The following HECW1 variants were observed in gnomAD, a reference collection of about 807,000 sequenced individuals.
The protein encoded by HECW1 is E3 ubiquitin-protein ligase HECW1.
A neutral mutation model predicts 182.3 loss-of-function variants in HECW1; 61 were observed. The observed-to-expected ratio is 0.33, with a 90% CI of 0.27 to 0.41. The LOEUF is 0.41. Ranked by LOEUF, HECW1 falls within the 10% of genes least tolerant of loss-of-function variation. The pLI is 1.00. For synonymous variants in HECW1, 859 were observed against 832.6 expected (o/e 1.03, Z -0.55); for missense variants, 1,739 against 2,108.9 (o/e 0.82, Z 3.44).
chr7:43,137,617 A>C (rs1190964287), intron 2 of HECW1, among the ~76,000 whole-genome samples: 2 of 151,740 alleles, frequency 1.3e-5, no homozygotes, highest in Non-Finnish European at 2.9e-5. Flanking sequence ...TGGTACAATC[A>C]CGGCTCACTG....
intron 6 of HECW1, among the ~76,000 whole-genome samples, chr7:43,372,275 G>C (rs1409255716): frequency 6.6e-6 from 1 of 152,122 alleles, no homozygotes; most frequent in Non-Finnish European, 1.5e-5. Context: ...GATTATGTGG[G>C]GGTGGGGTGT....
intron 2 of HECW1, among the ~76,000 whole-genome samples, chr7:43,140,067 G>A (rs766980375): frequency 9.9e-5 from 15 of 152,092 alleles, no homozygotes; most frequent in Non-Finnish European, 1.5e-4. Flanking sequence ...AAGTTGTTTT[G>A]TCATCTTTTT....
intron 3 of HECW1, among the ~76,000 whole-genome samples, chr7:43,257,983 ATT>A (rs1230120200): frequency 3.3e-5 from 5 of 152,186 alleles, no homozygotes; most frequent in African/African-American, 1.2e-4. Flanking sequence ...TGAATCTGAT[ATT>A]GTCTTCTCTA....
chr7:43,501,422 C>T (rs575720352), intron 21 of HECW1, 100 bp downstream of exon 21: 117 of 646,800 alleles, frequency 1.8e-4, no homozygotes, highest in Non-Finnish European at 2.6e-4. Context: ...TTCTTTCTCT[C>T]GGCCTTCCCA....
chr7:43,218,414 G>A (rs760125425), intron 2 of HECW1, among the ~76,000 whole-genome samples: 24 of 152,196 alleles, frequency 1.6e-4, no homozygotes, highest in Non-Finnish European at 2.8e-4. Context: ...CACAGCAGTG[G>A]TTTAGGATAT....
intron 2 of HECW1, among the ~76,000 whole-genome samples, chr7:43,158,521 A>G (rs1261130696): frequency 6.6e-6 from 1 of 152,232 alleles, no homozygotes; most frequent in Non-Finnish European, 1.5e-5. Context: ...CAAAATATGT[A>G]TGATATATAT....
At chr7:43,516,017 C>T (rs1179821249) in intron 24 of HECW1, among the ~76,000 whole-genome samples, 2 of 152,138 alleles carry the variant, frequency 1.3e-5, no homozygotes, top group Non-Finnish European at 2.9e-5. Context: ...TCAAACATTC[C>T]CTTCTCTAAG....
intron 2 of HECW1, among the ~76,000 whole-genome samples, chr7:43,163,863 C>T (rs1385157501): frequency 1.3e-5 from 2 of 152,090 alleles, no homozygotes; most frequent in African/African-American, 2.4e-5. Context: ...GCAGGTGACT[C>T]GAACAGTTGA....
intron 8 of HECW1, among the ~76,000 whole-genome samples, chr7:43,416,754 T>G (rs1035281216): frequency 2.8e-5 from 4 of 145,402 alleles, no homozygotes; most frequent in Admixed American, 2.7e-4. Context: ...TAAGCCGGTC[T>G]GAAAAGCGTA....
chr7:43,521,441 C>T (rs1453685850), intron 24 of HECW1, among the ~76,000 whole-genome samples: 4 of 152,160 alleles, frequency 2.6e-5, no homozygotes, highest in African/African-American at 9.7e-5. Context: ...AAAATTTTTG[C>T]AGGATTAAAA....
At chr7:43,173,417 A>G (rs1014214581) in intron 2 of HECW1, among the ~76,000 whole-genome samples, 1 of 152,164 alleles carries the variant, frequency 6.6e-6, no homozygotes, top group Non-Finnish European at 1.5e-5. Context: ...TGTGTTAGGA[A>G]AGCCATCTGA....
intron 24 of HECW1, among the ~76,000 whole-genome samples, chr7:43,531,027 C>G (rs1018569820): frequency 2.0e-5 from 3 of 152,206 alleles, no homozygotes; most frequent in Admixed American, 6.5e-5. Context: ...CCTGCTATCT[C>G]TCTCCACAAC....
intron 2 of HECW1, among the ~76,000 whole-genome samples, chr7:43,136,000 T>G (rs1787491128): frequency 6.6e-6 from 1 of 151,842 alleles, no homozygotes; most frequent in African/African-American, 2.4e-5. Context: ...TTTTACTATT[T>G]GCTGATAGCT....
At chr7:43,324,627 G>C (rs2152784499) in intron 5 of HECW1, among the ~76,000 whole-genome samples, 1 of 152,138 alleles carries the variant, frequency 6.6e-6, no homozygotes, top group African/African-American at 2.4e-5. Flanking sequence ...CTTCTATTAT[G>C]AACTAAAAAT....
intron 6 of HECW1, among the ~76,000 whole-genome samples, chr7:43,392,473 A>G (rs1473663815): frequency 1.3e-5 from 2 of 152,206 alleles, no homozygotes; most frequent in African/African-American, 4.8e-5. Context: ...CCTTCCAAAT[A>G]CATGCTCATT....
chr7:43,552,341 G>GT lies in HECW1; in HGVS notation c.4510+6dup. ...ATAACACTGAGTACCGGGGAGGTGA[G>GT]TGGGCAGGAGCTGTAATGATGCAAT... On this transcript the variant is annotated splice_donor_region_variant and intron_variant, in intron 28 of 29. Transcript: ENST00000395891. 6.5e-7 allele frequency: 1 copy of GT among 1,548,980 alleles called. No individual in the cohort carries two copies. Among genetic ancestry groups the GT allele is most frequent in the Non-Finnish European group, 8.9e-7 (1 of 1,120,722 alleles).
intron 2 of HECW1, among the ~76,000 whole-genome samples, chr7:43,139,418 A>G (rs1562588015): frequency 6.6e-6 from 1 of 152,240 alleles, no homozygotes; most frequent in East Asian, 1.9e-4. Context: ...GGATGAGTCA[A>G]AGACGCAACA....
At chr7:43,219,443 G>C (rs765923369) in intron 2 of HECW1, among the ~76,000 whole-genome samples, 2 of 151,952 alleles carry the variant, frequency 1.3e-5, no homozygotes, top group Non-Finnish European at 2.9e-5. Context: ...CTCCGATACC[G>C]AGCTAAAGAA....
chr7:43,465,924 A>G (rs1358549298), intron 14 of HECW1, among the ~76,000 whole-genome samples: 2 of 150,870 alleles, frequency 1.3e-5, no homozygotes, highest in Non-Finnish European at 3.0e-5. Context: ...GAGAAGAAAG[A>G]AAGAAGAAAG....
Sources: gnomAD v4.1 joint callset for allele counts (sites outside exome capture counted in the v4.1 genomes callset) on GRCh38, gnomAD v4.1.1 for gene constraint, MANE v1.5 for transcripts, NCBI Gene and HGNC (gene_info 2026-07-23, HGNC 2026-07-21) for gene names.